Variants in DNAH5 observed in about 807,000 individuals in gnomAD.
DNAH5 encodes the protein dynein axonemal heavy chain 5, also known as axonemal beta dynein heavy chain 5.
DNAH5 carries 372 observed loss-of-function variants against 518.2 expected under a neutral mutation model. The observed-to-expected ratio is 0.72, with a 90% CI of 0.66 to 0.78. The LOEUF (loss-of-function observed/expected upper bound fraction) is 0.78. DNAH5 is among the 30% of genes least tolerant of loss of function. DNAH5 has a pLI of 0.00. For synonymous variants in DNAH5, 2,039 were observed against 2,025.9 expected, an observed-to-expected ratio of 1.01 and a Z score of -0.17; for missense variants, 5,523 against 5,687.0, an observed-to-expected ratio of 0.97 and a Z score of 0.93.
chr5:13,889,838 C>T (rs2098123598), intron 17 of DNAH5, among the ~76,000 whole-genome samples: 1 of 152,160 alleles, frequency 6.6e-6, no homozygotes, highest in South Asian at 2.1e-4. Context: ...TATGATCCGG[C>T]TGCATCTCTT....
chr5:14,005,480 A>T (rs1784656918), intron 1 of DNAH5, among the ~76,000 whole-genome samples: 1 of 152,130 alleles, frequency 6.6e-6, no homozygotes, highest in African/African-American at 2.4e-5. Context: ...CCAACAACAC[A>T]CTTAACTGCT....
At chr5:13,982,461 T>C (rs1478650721) in intron 1 of DNAH5, among the ~76,000 whole-genome samples, 1 of 152,034 alleles carries the variant, frequency 6.6e-6, no homozygotes, top group African/African-American at 2.4e-5. Context: ...AGTAGACATA[T>C]GCACTATTGC....
At chr5:14,005,308 G>T (rs1784644793) in intron 1 of DNAH5, among the ~76,000 whole-genome samples, 1 of 152,208 alleles carries the variant, frequency 6.6e-6, no homozygotes, top group African/African-American at 2.4e-5. Context: ...TCCAGCGAAT[G>T]CTTCCAACCT....
intron 5 of DNAH5, 151 bp downstream of exon 5, chr5:13,921,956 A>G: frequency 1.3e-6 from 1 of 766,028 alleles, no homozygotes; most frequent in East Asian, 2.7e-5. Context: ...TCACCACCAC[A>G]TCTTGAAGGA....
chr5:13,886,115 AT>A lies in DNAH5; in HGVS notation c.2591del (p.Asn864MetfsTer12). 2 of 1,566,796 alleles carry A rather than the reference AT, an allele frequency of 1.3e-6. No individual in the cohort carries two copies. Among genetic ancestry groups the A allele is most frequent in the Non-Finnish European group, 1.7e-6 (2 of 1,159,070 alleles). The part of the protein sequence containing the change: ...FLQMTKDLCV[N>X]GAQILHFKSS... ...TTTTAAAATGTAGTATTTGTGCACC[AT>A]TTACACAAAGATCCTAACCAAAAAA... is the stretch of plus-strand genomic sequence containing the variant. On this transcript the variant is annotated frameshift_variant, in exon 18 of 79. Transcript: ENST00000265104. LOFTEE classifies it high-confidence loss of function.
At chr5:13,790,616 T>C (rs998240609) in intron 50 of DNAH5, among the ~76,000 whole-genome samples, 1 of 152,142 alleles carries the variant, frequency 6.6e-6, no homozygotes, top group Non-Finnish European at 1.5e-5. Flanking sequence ...CAAGATCTTA[T>C]GGTTTTATAA....
In DNAH5 at chr5:13,871,664, A is replaced by G; in HGVS notation, c.3498T>C (p.Leu1166=). The change falls in exon 23 of 79, where the codon CTT becomes CTC. Residue 1166 remains leucine (L), a synonymous_variant. Coordinates refer to ENST00000265104, the MANE Select transcript of DNAH5 (RefSeq NM_001369.3). ...AGAGAATCTGGGACTCAAATTCAGAAAGCAAGGGGCTCTGTGTAATAAATG... is the reference window on the plus strand; with the variant it reads ...AGAGAATCTGGGACTCAAATTCAGAGAGCAAGGGGCTCTGTGTAATAAATG... ...IKTFITQSPL[L]SEFESQILYF... 1 of 1,613,820 alleles carries G rather than the reference A, an allele frequency of 6.2e-7. No homozygotes were observed. Among genetic ancestry groups the G allele is most frequent in the South Asian group, 1.1e-5 (1 of 91,072 alleles).
In DNAH5 at chr5:13,829,342, T is replaced by TA. The variant is rs5866069; in HGVS notation, c.6444+167dup. Among the ~76,000 whole-genome samples, 60,559 of 152,068 alleles carry TA rather than the reference T, an allele frequency of 0.4. 12,286 individuals are homozygous for TA. Among genetic ancestry groups the TA allele is most frequent in the East Asian group, 0.61 (3,156 of 5,172 alleles). ...TATTAATTTATTTAAATGTACTTCTTAAAAAACTATGCATATAAAATTATT... is the reference window on the plus strand; with the variant it reads ...TATTAATTTATTTAAATGTACTTCTTAAAAAAACTATGCATATAAAATTATT... On this transcript the variant is annotated intron_variant, in intron 38 of 78. Transcript: ENST00000265104.
chr5:13,804,767 T>C (rs1759314851), intron 47 of DNAH5, among the ~76,000 whole-genome samples: 1 of 152,210 alleles, frequency 6.6e-6, no homozygotes. Context: ...AATACTTCAC[T>C]CTTCTTCTAT....
chr5:13,731,997 T>C (rs1019359902), intron 68 of DNAH5, among the ~76,000 whole-genome samples: 1 of 152,030 alleles, frequency 6.6e-6, no homozygotes, highest in Non-Finnish European at 1.5e-5. Flanking sequence ...GCTGGATGTA[T>C]TGGCATGAGC....
rs754632339 is a variant in DNAH5 at position 13,707,233 on chromosome 5, G to A, written c.13338+890C>T. On this transcript the variant is annotated intron_variant, in intron 76 of 78. Coordinates refer to ENST00000265104, the MANE Select transcript of DNAH5 (RefSeq NM_001369.3). The surrounding 1 kb of genome is among the most constrained non-coding windows in gnomAD (Gnocchi z 4.0). ...CGGTCACTGGGCGGCCCAACTCCAG[G>A]GGAAGACCACCTTCCCACTCCATCC... Among the ~76,000 whole-genome samples the A allele has an allele frequency of 4.6e-5, 7 of 152,140 alleles. No individual in the cohort carries two copies. The highest frequency in any genetic ancestry group is 2.9e-5 in the Non-Finnish European group (2 of 68,022).
intron 70 of DNAH5, among the ~76,000 whole-genome samples, chr5:13,721,881 C>T (rs867909792): frequency 1.4e-4 from 22 of 152,150 alleles, no homozygotes; most frequent in Admixed American, 1.4e-3. Flanking sequence ...ATGGTAACAA[C>T]AAAGTCCTTT....
intron 35 of DNAH5, among the ~76,000 whole-genome samples, chr5:13,833,510 A>G (rs1339064294): frequency 2.0e-5 from 3 of 152,030 alleles, no homozygotes; most frequent in African/African-American, 7.2e-5. Flanking sequence ...AATAATAATA[A>G]TAACAAACAT....
intron 30 of DNAH5, among the ~76,000 whole-genome samples, chr5:13,856,951 C>A (rs1480971742): frequency 6.6e-6 from 1 of 152,182 alleles, no homozygotes; most frequent in Admixed American, 6.5e-5. Context: ...AAAACCGACA[C>A]AAGACAAGGA....
At chr5:13,954,169 A>T (rs1233702831) in intron 1 of DNAH5, among the ~76,000 whole-genome samples, 1 of 152,230 alleles carries the variant, frequency 6.6e-6, no homozygotes, top group Non-Finnish European at 1.5e-5. Flanking sequence ...GTACTCATTC[A>T]TCTCACCAAA....
chr5:13,768,395 A>G (rs1035159881), intron 58 of DNAH5, among the ~76,000 whole-genome samples: 1 of 152,082 alleles, frequency 6.6e-6, no homozygotes, highest in African/African-American at 2.4e-5. Flanking sequence ...GCCATGCGGA[A>G]CTCTGAGTCA....
At position 13,921,460 on chromosome 5, in the gene DNAH5, T is replaced by TCTCTC. The variant is rs1491249915; in HGVS notation, c.660+646_660+647insGAGAG. Among the ~76,000 whole-genome samples, 71 of 51,524 alleles carry TCTCTC rather than the reference T, an allele frequency of 1.4e-3. 1 individual carries two copies. The highest frequency in any genetic ancestry group is 4.2e-3 in the African/African-American group (60 of 14,362). The allele number at this position is 51,524 out of a possible 152,430, so 33.8% of individuals were successfully genotyped here. ...TGTCTCTCTCTCTCTCTCTCTCTCT[T>TCTCTC]GCTCTATCTCTCTCTCACACACACA... is the stretch of plus-strand genomic sequence containing the variant. On this transcript the variant is annotated intron_variant, in intron 5 of 78. Coordinates refer to ENST00000265104, the MANE Select transcript of DNAH5 (RefSeq NM_001369.3).
At chr5:13,956,357 A>G (rs1044309303) in intron 1 of DNAH5, among the ~76,000 whole-genome samples, 3 of 152,210 alleles carry the variant, frequency 2.0e-5, no homozygotes, top group African/African-American at 4.8e-5. Flanking sequence ...TATATGTTGA[A>G]TGGTAATTTT....
At chr5:13,984,478 G>C (rs1425698211) in intron 1 of DNAH5, among the ~76,000 whole-genome samples, 1 of 152,150 alleles carries the variant, frequency 6.6e-6, no homozygotes, top group Non-Finnish European at 1.5e-5. Context: ...CTGCAAACAG[G>C]GACAATTTGA....
Sources: gnomAD v4.1 joint callset for allele counts (sites outside exome capture counted in the v4.1 genomes callset) on GRCh38, gnomAD v4.1.1 for gene constraint, Gnocchi (gnomAD v3.1) non-coding constraint, MANE v1.5 for transcripts, NCBI Gene and HGNC (gene_info 2026-07-23, HGNC 2026-07-21) for gene names.